Variants in MTA3 observed in about 807,000 individuals in gnomAD.
MTA3 encodes metastasis associated 1 family member 3, also known as metastasis-associated protein MTA3.
In MTA3, 34 loss-of-function variants were observed where a neutral mutation model predicts 83.5. That is an observed-to-expected ratio of 0.41 (90% confidence interval 0.31 to 0.54). The LOEUF (loss-of-function observed/expected upper bound fraction) is 0.54, where lower values mean the gene tolerates loss of function less well. Ranked by LOEUF, MTA3 falls within the 20% of genes least tolerant of loss-of-function variation. The pLI, the probability that MTA3 is intolerant of heterozygous loss-of-function variation, is 0.33. For synonymous variants in MTA3, 303 were observed against 252.7 expected, an observed-to-expected ratio of 1.20 and a Z score of -1.89; for missense variants, 761 against 726.4, an observed-to-expected ratio of 1.05 and a Z score of -0.55.
In MTA3 at chr2:42,606,715, A is replaced by C. The variant is rs535168922; in HGVS notation, c.191-2743A>C. The stretch of plus-strand genomic sequence containing the variant: ...GAGGCTGCAATCTCGGCACTTTGGG[A>C]GGCCAAGGCAGGCGGCTGGGAGGTG... On this transcript the variant is annotated intron_variant, in intron 3 of 16. Transcript: ENST00000405094. Among the ~76,000 whole-genome samples the C allele has an allele frequency of 5.4e-4, 82 of 151,686 alleles. 1 individual carries two copies. In the South Asian group the frequency reaches 0.012, roughly 22 times the overall value.
intron 8 of MTA3, among the ~76,000 whole-genome samples, chr2:42,679,928 T>C (rs1467394486): frequency 6.6e-6 from 1 of 152,108 alleles, no homozygotes; most frequent in Non-Finnish European, 1.5e-5. Flanking sequence ...AGTGTGTTTA[T>C]AATAAAGTGT....
At chr2:42,505,307 G>C (rs541434158) in intron 2 of MTA3, among the ~76,000 whole-genome samples, 1 of 152,086 alleles carries the variant, frequency 6.6e-6, no homozygotes, top group African/African-American at 2.4e-5. Context: ...CAGGAGAATC[G>C]CTTGAACCTG....
chr2:42,591,037 ATATGT>A (rs1264091126), intron 3 of MTA3, among the ~76,000 whole-genome samples: 1 of 152,060 alleles, frequency 6.6e-6, no homozygotes, highest in African/African-American at 2.4e-5. Context: ...TGTGACAAGG[ATATGT>A]TCTGAGAGAT....
intron 3 of MTA3, among the ~76,000 whole-genome samples, chr2:42,600,528 C>T (rs1682429574): frequency 6.6e-6 from 1 of 151,284 alleles, no homozygotes; most frequent in Admixed American, 6.6e-5. Flanking sequence ...ATCCCCTTTC[C>T]CATTCAGGCC....
intron 8 of MTA3, among the ~76,000 whole-genome samples, chr2:42,668,867 A>AT (rs1410230025): frequency 6.6e-6 from 1 of 152,128 alleles, no homozygotes; most frequent in Non-Finnish European, 1.5e-5. Context: ...TCAAAAAAAA[A>AT]TTTCCCATCA....
chr2:42,592,812 T>C (rs919560212), intron 3 of MTA3, among the ~76,000 whole-genome samples: 1 of 152,062 alleles, frequency 6.6e-6, no homozygotes, highest in African/African-American at 2.4e-5. Flanking sequence ...TGGGGCTGTT[T>C]TACAGTTAAC....
chr2:42,697,491 C>G (rs1446220008), intron 10 of MTA3, among the ~76,000 whole-genome samples: 1 of 151,992 alleles, frequency 6.6e-6, no homozygotes, highest in Admixed American at 6.6e-5. Flanking sequence ...TTTTAAAGGT[C>G]CTGTTTATTC....
At chr2:42,716,399 G>A (rs1667033912) in intron 14 of MTA3, among the ~76,000 whole-genome samples, 1 of 152,058 alleles carries the variant, frequency 6.6e-6, no homozygotes, top group African/African-American at 2.4e-5. Flanking sequence ...GTGTCAAGGG[G>A]GTTTGTTGTA....
chr2:42,627,725 ATT>A (rs869227831), intron 4 of MTA3, among the ~76,000 whole-genome samples: 22,703 of 103,922 alleles, frequency 0.22, 1,586 homozygotes, highest in South Asian at 0.33. Context: ...GCCTGGCTAA[ATT>A]TTTTTTTTTT....
upstream of MTA3, among the ~76,000 whole-genome samples, chr2:42,563,827 CCT>C (rs1558437925): frequency 2.1e-5 from 3 of 143,414 alleles, no homozygotes; most frequent in African/African-American, 2.6e-5. Context: ...TTCCTTCCTT[CCT>C]TCCTTTCTTT....
At chr2:42,647,486 C>CA (rs1159411336) in intron 6 of MTA3, among the ~76,000 whole-genome samples, 3 of 152,076 alleles carry the variant, frequency 2.0e-5, no homozygotes, top group African/African-American at 7.2e-5. Flanking sequence ...CTTGGCCTCC[C>CA]AAAGTGCTGG....
intron 12 of MTA3, among the ~76,000 whole-genome samples, chr2:42,705,598 C>T (rs1310928464): frequency 6.6e-6 from 1 of 152,072 alleles, no homozygotes; most frequent in Non-Finnish European, 1.5e-5. Context: ...CCCAGCTACT[C>T]AGGAGGCTGA....
chr2:42,553,918 G>A, intron 2 of MTA3, among the ~76,000 whole-genome samples: 7 of 129,924 alleles, frequency 5.4e-5, no homozygotes, highest in Admixed American at 1.6e-4. Context: ...AAAGAAGGAA[G>A]AAGAAAAAAA....
chr2:42,616,797 G>T (rs1344273646), intron 4 of MTA3, among the ~76,000 whole-genome samples: 5 of 151,506 alleles, frequency 3.3e-5, no homozygotes, highest in Non-Finnish European at 5.9e-5. Context: ...CAGGCTGTTC[G>T]CAAACGATCG....
intron 12 of MTA3, among the ~76,000 whole-genome samples, chr2:42,706,823 G>C (rs1158412953): frequency 6.6e-6 from 1 of 152,202 alleles, no homozygotes; most frequent in African/African-American, 2.4e-5. Context: ...AGCTGCCCAT[G>C]CTCACTTCAT....
At chr2:42,522,788 G>A (rs1233896750) in intron 2 of MTA3, among the ~76,000 whole-genome samples, 2 of 151,326 alleles carry the variant, frequency 1.3e-5, no homozygotes, top group South Asian at 2.1e-4. Context: ...GAAGGAAGAA[G>A]GGAGATCAAC....
At chr2:42,503,246 G>C (rs1347191456) in intron 2 of MTA3, among the ~76,000 whole-genome samples, 1 of 152,106 alleles carries the variant, frequency 6.6e-6, no homozygotes, top group African/African-American at 2.4e-5. Context: ...GACCATATAG[G>C]GTAACTTTCT....
intron 2 of MTA3, among the ~76,000 whole-genome samples, chr2:42,514,483 A>C (rs1427673601): frequency 6.6e-6 from 1 of 151,976 alleles, no homozygotes; most frequent in African/African-American, 2.4e-5. Flanking sequence ...TCCAGGATTC[A>C]AGCAATTATC....
upstream of MTA3, among the ~76,000 whole-genome samples, chr2:42,564,104 T>C (rs1677797473): frequency 6.6e-6 from 1 of 152,130 alleles, no homozygotes; most frequent in Admixed American, 6.6e-5. Context: ...TACAGGTGTG[T>C]GCCACTGTGC....
Sources: gnomAD v4.1 joint callset for allele counts (sites outside exome capture counted in the v4.1 genomes callset) on GRCh38, gnomAD v4.1.1 for gene constraint, MANE v1.5 for transcripts, NCBI Gene and HGNC (gene_info 2026-07-23, HGNC 2026-07-21) for gene names.